The following CCDC141 variants were observed in gnomAD, a reference collection of about 807,000 sequenced individuals.
CCDC141 encodes the protein coiled-coil domain-containing protein 141.
A neutral mutation model predicts 181.0 loss-of-function variants in CCDC141; 168 were observed. That is an observed-to-expected ratio of 0.93 (90% CI 0.82 to 1.05). The LOEUF is 1.05. Ranked by LOEUF, CCDC141 falls within the 50% of genes least tolerant of loss-of-function variation. The pLI, the probability that CCDC141 is intolerant of heterozygous loss-of-function variation, is 0.00. For synonymous variants in CCDC141, 666 were observed against 642.3 expected (o/e 1.04, Z -0.56); for missense variants, 1,902 against 1,788.5 (o/e 1.06, Z -1.14).
chr2:179,045,753 T>C (rs1024836015), intron 2 of CCDC141, among the ~76,000 whole-genome samples: 2 of 152,164 alleles, frequency 1.3e-5, no homozygotes, highest in African/African-American at 4.8e-5. Flanking sequence ...TGCATTTCTC[T>C]GATGGCAAAA....
chr2:178,864,087 G>T (rs1685733892), intron 17 of CCDC141, among the ~76,000 whole-genome samples: 1 of 152,178 alleles, frequency 6.6e-6, no homozygotes, highest in Non-Finnish European at 1.5e-5. Flanking sequence ...GGAGCCAGAG[G>T]GGGCTGGGAA....
rs536948837 is a variant in CCDC141 at position 178,912,200 on chromosome 2, C to T, written c.1092+6513G>A. Among the ~76,000 whole-genome samples the T allele has an allele frequency of 1.4e-4, 21 of 152,142 alleles. 1 individual carries two copies. Among genetic ancestry groups the T allele is most frequent in the Non-Finnish European group, 5.9e-5 (4 of 68,030 alleles). Reference sequence around the variant, plus strand: ...ATTTTAATTTAGCAAAAGAAATCTACCCAGAAATAAATATCTATAATACTA... The same window carrying T: ...ATTTTAATTTAGCAAAAGAAATCTATCCAGAAATAAATATCTATAATACTA... On this transcript the variant is annotated intron_variant, in intron 7 of 23. Transcript: ENST00000443758.
At chr2:178,961,063 A>G (rs929648497) in intron 5 of CCDC141, among the ~76,000 whole-genome samples, 167 bp downstream of exon 5, 3 of 152,112 alleles carry the variant, frequency 2.0e-5, no homozygotes, top group Admixed American at 1.3e-4. Flanking sequence ...ATTTGTTTTT[A>G]TGTTACTTAC....
chr2:178,921,552 G>A (rs992795788), intron 6 of CCDC141, among the ~76,000 whole-genome samples: 2 of 150,250 alleles, frequency 1.3e-5, no homozygotes, highest in African/African-American at 4.9e-5. Flanking sequence ...TGTGGTTTTC[G>A]TTTGTTTTTG....
chr2:178,990,825 T>C (rs1559033075), intron 2 of CCDC141, among the ~76,000 whole-genome samples: 1 of 152,168 alleles, frequency 6.6e-6, no homozygotes, highest in South Asian at 2.1e-4. Context: ...AGTCACTATG[T>C]AGTGGGCACA....
At chr2:178,957,826 A>G (rs1450561484) in intron 5 of CCDC141, among the ~76,000 whole-genome samples, 1 of 152,148 alleles carries the variant, frequency 6.6e-6, no homozygotes, top group African/African-American at 2.4e-5. Context: ...TACCAGACTC[A>G]AGGGATCCTC....
intron 22 of CCDC141, among the ~76,000 whole-genome samples, chr2:178,840,098 C>T (rs1684661143): frequency 6.6e-6 from 1 of 152,230 alleles, no homozygotes; most frequent in Non-Finnish European, 1.5e-5. Context: ...TGGAGCTACA[C>T]AAAAAGTCCA....
intron 5 of CCDC141, among the ~76,000 whole-genome samples, chr2:178,948,310 T>C (rs970446127): frequency 6.6e-6 from 1 of 152,232 alleles, no homozygotes; most frequent in African/African-American, 2.4e-5. Flanking sequence ...GGCTTTTTAC[T>C]TTTTAATTTT....
chr2:178,881,905 TCTCTCTCTCTCA>T (rs1485659329), intron 11 of CCDC141, among the ~76,000 whole-genome samples: 7 of 103,990 alleles, frequency 6.7e-5, no homozygotes, highest in African/African-American at 2.3e-4. Context: ...TCTCTCTCTC[TCTCTCTCTCTCA>T]CACACACACA....
At chr2:179,046,294 G>A (rs747331406) in intron 2 of CCDC141, among the ~76,000 whole-genome samples, 3 of 152,216 alleles carry the variant, frequency 2.0e-5, no homozygotes, top group Admixed American at 6.5e-5. Context: ...AGGGCTTAAT[G>A]CTGTACCTGT....
At position 178,971,364 on chromosome 2, in the gene CCDC141, C is replaced by G. The variant is rs529592771; in HGVS notation, c.526+3693G>C. 2.6e-5 allele frequency among the ~76,000 whole-genome samples: 4 copies of G among 152,298 alleles called. No homozygotes were observed. The South Asian group carries it at 8.3e-4, about 32-fold the overall frequency. ...ATTAGAGAAATGCAAATCAAAACCA[C>G]AATGAGATACCATCTCACACCAGTT... On this transcript the variant is annotated intron_variant, in intron 4 of 23. Transcript: ENST00000443758.
At chr2:178,902,144 T>C (rs1210956413) in intron 8 of CCDC141, among the ~76,000 whole-genome samples, 2 of 152,106 alleles carry the variant, frequency 1.3e-5, no homozygotes, top group Non-Finnish European at 2.9e-5. Context: ...TGCTCATGGG[T>C]AGGAAGAATC....
At chr2:179,039,127 G>C (rs1183724954) in intron 2 of CCDC141, among the ~76,000 whole-genome samples, 2 of 152,114 alleles carry the variant, frequency 1.3e-5, no homozygotes, top group Non-Finnish European at 2.9e-5. Flanking sequence ...CCTTTTGGGA[G>C]TTAAAGTTTT....
At position 179,027,066 on chromosome 2, in the gene CCDC141, A is replaced by T. The variant is rs555407598; in HGVS notation, c.225+20218T>A. 4.9e-4 allele frequency among the ~76,000 whole-genome samples: 75 copies of T among 152,272 alleles called. No homozygotes were observed. In the Middle Eastern group the frequency reaches 0.014, roughly 28 times the overall value. ...TGCCCCACCTCAGATGAGACGTTGG[A>T]CTGTGGACTTTTGAGTTAATACTGA... On this transcript the variant is annotated intron_variant, in intron 2 of 23. Coordinates refer to ENST00000443758, the MANE Select transcript of CCDC141 (RefSeq NM_173648.4).
intron 3 of CCDC141, among the ~76,000 whole-genome samples, chr2:178,977,004 T>G (rs1691150297): frequency 6.6e-6 from 1 of 152,146 alleles, no homozygotes; most frequent in South Asian, 2.1e-4. Context: ...CTTTCTCCAC[T>G]CTCTTATATC....
intron 2 of CCDC141, among the ~76,000 whole-genome samples, chr2:179,000,151 A>T (rs2041925626): frequency 6.6e-6 from 1 of 152,028 alleles, no homozygotes; most frequent in Non-Finnish European, 1.5e-5. Flanking sequence ...CTTATGATCC[A>T]AATCTGTCCT....
chr2:178,918,821 C>A lies in CCDC141; in HGVS notation c.984G>T (p.Gln328His). Residue 328 changes from glutamine to histidine, a missense_variant, in exon 7 of 24, where the codon CAG becomes CAT. Transcript: ENST00000443758. ...GCTGACTGAGTTTCTGGTGAGAGAG[C>A]TGGAGGTGTTCTTTCTCCACGTAGT... ...SKDYVEKEHLQLSHQKLSQLQ... is the reference protein window; with the variant it reads ...SKDYVEKEHLHLSHQKLSQLQ... 1 of 1,550,604 alleles carries A rather than the reference C, an allele frequency of 6.4e-7. No individual in the cohort carries two copies. Among genetic ancestry groups the A allele is most frequent in the Non-Finnish European group, 8.7e-7 (1 of 1,146,974 alleles).
At chr2:178,992,129 T>G (rs1428375021) in intron 2 of CCDC141, among the ~76,000 whole-genome samples, 1 of 151,982 alleles carries the variant, frequency 6.6e-6, no homozygotes, top group East Asian at 1.9e-4. Flanking sequence ...TTTTGACTAC[T>G]ATATATAAAC....
chr2:178,854,728 C>A (rs1178859352), intron 19 of CCDC141, among the ~76,000 whole-genome samples: 1 of 152,152 alleles, frequency 6.6e-6, no homozygotes, highest in Admixed American at 6.5e-5. Flanking sequence ...AATCTAAAAA[C>A]TCAGCTGCAT....
Sources: gnomAD v4.1 joint callset for allele counts (sites outside exome capture counted in the v4.1 genomes callset) on GRCh38, gnomAD v4.1.1 for gene constraint, MANE v1.5 for transcripts, NCBI Gene and HGNC (gene_info 2026-07-23, HGNC 2026-07-21) for gene names.